Variants in HPSE observed in about 807,000 individuals in gnomAD.
HPSE encodes the protein endo-glucoronidase.
A neutral mutation model predicts 65.1 loss-of-function variants in HPSE; 48 were observed. The ratio of observed to expected loss-of-function variants is 0.74; its 90% CI spans 0.58 to 0.94. HPSE has a LOEUF of 0.94. Ranked by LOEUF, HPSE falls within the 40% of genes least tolerant of loss-of-function variation. The probability of loss-of-function intolerance (pLI) is 0.00; values close to 1 mark genes in which losing one functional copy is unlikely to be tolerated. For missense variants in HPSE, 644 were observed against 637.5 expected, an observed-to-expected ratio of 1.01 and a Z score of -0.11; for synonymous variants, 243 against 260.0, an observed-to-expected ratio of 0.93 and a Z score of 0.63.
intron 4 of HPSE, among the ~76,000 whole-genome samples, chr4:83,312,547 G>A (rs540261463): frequency 5.7e-4 from 85 of 149,788 alleles, no homozygotes; most frequent in Admixed American, 3.5e-3. Context: ...GCGTGGTGGC[G>A]GGTGCGTGTA....
At chr4:83,310,920 T>C (rs769330924) in intron 4 of HPSE, 30 bp from the exon 5 acceptor site, 2 of 1,549,164 alleles carry the variant, frequency 1.3e-6, no homozygotes, top group South Asian at 2.3e-5. Context: ...AAAATATATA[T>C]CGAGAAATGT....
At chr4:83,333,201 T>C (rs1167910734) in intron 1 of HPSE, among the ~76,000 whole-genome samples, 1 of 152,228 alleles carries the variant, frequency 6.6e-6, no homozygotes, top group African/African-American at 2.4e-5. Context: ...ACAATTCGTT[T>C]GAAACGTCAA....
chr4:83,332,363 G>T (rs557186245), intron 1 of HPSE, among the ~76,000 whole-genome samples: 4 of 152,218 alleles, frequency 2.6e-5, no homozygotes, highest in African/African-American at 7.2e-5. Flanking sequence ...CCCTCTTTTA[G>T]GTCTTAGCAG....
intron 9 of HPSE, among the ~76,000 whole-genome samples, chr4:83,305,151 C>G (rs1367965066): frequency 6.6e-6 from 1 of 152,130 alleles, no homozygotes; most frequent in Non-Finnish European, 1.5e-5. Context: ...GAAGGAGAAG[C>G]ATATTTAGTG....
chr4:83,333,983 C>G (rs1178635965), intron 1 of HPSE, among the ~76,000 whole-genome samples: 1 of 152,218 alleles, frequency 6.6e-6, no homozygotes, highest in African/African-American at 2.4e-5. Context: ...CACAGGCCTT[C>G]AGGTGCACCT....
intron 1 of HPSE, among the ~76,000 whole-genome samples, chr4:83,328,699 C>T (rs1370237250): frequency 1.3e-5 from 2 of 151,614 alleles, no homozygotes; most frequent in South Asian, 2.1e-4. Flanking sequence ...AGGGAAGAAA[C>T]GGGGTGGTTT....
intron 11 of HPSE, among the ~76,000 whole-genome samples, chr4:83,299,365 A>G (rs10004076): frequency 0.24 from 2,148 of 8,994 alleles, 383 homozygotes; most frequent in Middle Eastern, 0.44. Context: ...CTCTGTCTCA[A>G]AAAAAAAAAA....
chr4:83,332,843 G>A (rs1453662512), intron 1 of HPSE, among the ~76,000 whole-genome samples: 1 of 152,122 alleles, frequency 6.6e-6, no homozygotes, highest in African/African-American at 2.4e-5. Flanking sequence ...GAATATGCTG[G>A]CTACAGCAAT....
intron 8 of HPSE, among the ~76,000 whole-genome samples, chr4:83,307,552 G>A (rs938069031): frequency 6.6e-6 from 1 of 152,122 alleles, no homozygotes; most frequent in Non-Finnish European, 1.5e-5. Context: ...GGTCCTATGA[G>A]GTCCCTGCAC....
intron 3 of HPSE, among the ~76,000 whole-genome samples, chr4:83,316,584 G>C (rs1055709517): frequency 2.0e-5 from 3 of 152,116 alleles, no homozygotes; most frequent in Non-Finnish European, 2.9e-5. Context: ...TGTGGGCCTG[G>C]GTGTAGGCAA....
chr4:83,297,376 AT>A, intron 11 of HPSE, among the ~76,000 whole-genome samples: 1 of 144,994 alleles, frequency 6.9e-6, no homozygotes, highest in Non-Finnish European at 1.5e-5. Context: ...GGTATACTGT[AT>A]TTTCTTAAAA....
Position 83,306,297 on chromosome 4 carries a change from A to T in HPSE, c.1112T>A (p.Leu371Gln). ...AGFMWLDKLG[L>Q]SARMGIEVVM... ...CACTTCTATTCCCATTCGGGCTGAC[A>T]GGCCCAATTTATCCAGCCACCTGGG... The change falls in exon 9 of 12, where the codon CTG (leucine) becomes CAG (glutamine). Residue 371 changes from leucine (L) to glutamine (Q), a missense_variant. Physicochemically the swap from Leu to Gln is moderately radical, Grantham distance 113. Coordinates refer to ENST00000311412, the MANE Select transcript of HPSE (RefSeq NM_001098540.3). The T allele has an allele frequency of 6.2e-7, 1 of 1,611,288 alleles. No individual in the cohort carries two copies. The highest frequency in any genetic ancestry group is 8.5e-7 in the Non-Finnish European group (1 of 1,177,384).
intron 10 of HPSE, among the ~76,000 whole-genome samples, chr4:83,301,888 C>T (rs576030947): frequency 6.6e-5 from 10 of 152,184 alleles, no homozygotes; most frequent in South Asian, 2.1e-4. Context: ...ACCCGGGAGG[C>T]GGAGGTTGCA....
intron 3 of HPSE, among the ~76,000 whole-genome samples, chr4:83,318,069 T>C (rs1176467398): frequency 6.6e-6 from 1 of 152,220 alleles, no homozygotes; most frequent in African/African-American, 2.4e-5. Context: ...AAAATGTACA[T>C]AAATTTGAAA....
chr4:83,308,968 T>C lies in HPSE; in HGVS notation c.985-17A>G, dbSNP rs779201226. ...CTCAACCACCTATAGAACAGAAAAG[T>C]ATCCATGGTAATTGCAAAAAAGCTG... On this transcript the variant is annotated splice_polypyrimidine_tract_variant and intron_variant, in intron 7 of 11. Coordinates refer to ENST00000311412, the MANE Select transcript of HPSE (RefSeq NM_001098540.3). 2 of 1,604,414 alleles carry C rather than the reference T, an allele frequency of 1.2e-6. No individual in the cohort carries two copies. Among genetic ancestry groups the C allele is most frequent in the Non-Finnish European group, 1.7e-6 (2 of 1,172,114 alleles).
intron 6 of HPSE, 49 bp from the exon 7 acceptor site, chr4:83,309,544 C>T (rs1736285908): frequency 2.8e-6 from 3 of 1,064,278 alleles, no homozygotes; most frequent in Non-Finnish European, 4.3e-6. Context: ...ATTTTACTTT[C>T]TGCTTTTAGG....
At chr4:83,320,714 C>T (rs897972175) in intron 2 of HPSE, among the ~76,000 whole-genome samples, 17 of 152,204 alleles carry the variant, frequency 1.1e-4, no homozygotes, top group African/African-American at 3.9e-4. Context: ...CACACTGACT[C>T]GCTGGCGGCT....
At position 83,306,418 on chromosome 4, in the gene HPSE, C is replaced by T. The variant is rs981420200; in HGVS notation, c.1092-101G>A. ...TTTTATTTATGTATTTATTTATTTACTTATTTATTTATTTAGAGACAGGGT... is the reference window on the plus strand; with the variant it reads ...TTTTATTTATGTATTTATTTATTTATTTATTTATTTATTTAGAGACAGGGT... On this transcript the variant is annotated intron_variant, in intron 8 of 11. Coordinates refer to ENST00000311412, the MANE Select transcript of HPSE (RefSeq NM_001098540.3). 2.3e-5 allele frequency: 14 copies of T among 613,396 alleles called. No homozygotes were observed. In the African/African-American group the frequency reaches 2.4e-4, roughly 11 times the overall value. The allele number at this position is 613,396 out of a possible 1,614,324, so 38.0% of individuals were successfully genotyped here.
chr4:83,297,284 C>T (rs919390485), intron 11 of HPSE, among the ~76,000 whole-genome samples: 3 of 151,552 alleles, frequency 2.0e-5, no homozygotes, highest in Non-Finnish European at 2.9e-5. Context: ...AATCACCTAT[C>T]GACACATTTC....
Sources: allele counts gnomAD v4.1 joint callset (sites outside exome capture counted in the v4.1 genomes callset), GRCh38; gene constraint gnomAD v4.1.1; transcripts MANE v1.5; gene names NCBI Gene and HGNC (gene_info 2026-07-23, HGNC 2026-07-21).